EPB41L2: variants seen among roughly 807,000 people sequenced by gnomAD.
EPB41L2 encodes erythrocyte membrane protein band 4.1 like 2, also known as band 4.1-like protein 2.
EPB41L2 carries 43 observed loss-of-function variants against 113.0 expected under a neutral mutation model. The observed-to-expected ratio is 0.38, with a 90% CI of 0.30 to 0.49. The LOEUF (loss-of-function observed/expected upper bound fraction) is 0.49. EPB41L2 is among the 20% of genes least tolerant of loss of function. The pLI is 0.95. For synonymous variants in EPB41L2, 442 were observed against 436.7 expected, an observed-to-expected ratio of 1.01 and a Z score of -0.15; for missense variants, 1,147 against 1,223.4, an observed-to-expected ratio of 0.94 and a Z score of 0.93.
intron 19 of EPB41L2, among the ~76,000 whole-genome samples, chr6:130,857,549 CTTTTTTTTTTT>C (rs10557309): frequency 1.4e-5 from 1 of 72,818 alleles, no homozygotes; most frequent in Non-Finnish European, 2.4e-5. Flanking sequence ...TCAGATGTAT[CTTTTTTTTTTT>C]TTTTTTTTTT....
chr6:131,016,599 C>G (rs528632776), intron 1 of EPB41L2, among the ~76,000 whole-genome samples: 1 of 151,348 alleles, frequency 6.6e-6, no homozygotes, highest in Non-Finnish European at 1.5e-5. Flanking sequence ...AACATAATAA[C>G]AGAGAGAAAC....
intron 11 of EPB41L2, 41 bp downstream of exon 11, chr6:130,890,253 G>A (rs1344613291): frequency 6.3e-7 from 1 of 1,581,494 alleles, no homozygotes; most frequent in Admixed American, 1.7e-5. Flanking sequence ...TGGGATTAGA[G>A]AAAGATGAAT....
At position 130,890,425 on chromosome 6, in the gene EPB41L2, G is replaced by T. The variant is rs1287665200; in HGVS notation, c.1529C>A (p.Thr510Asn). 1 of 1,612,670 alleles carries T rather than the reference G, an allele frequency of 6.2e-7. No individual in the cohort carries two copies. The highest frequency in any genetic ancestry group is 1.7e-5 in the Admixed American group (1 of 59,872). ...PEQPPKAKFL[T>N]LGSKFRYSGR... ...ACTATAGCGAAATTTGGACCCCAAG[G>T]TCAGGAACTTGGCTTTTGGTGGCTG... is the stretch of plus-strand genomic sequence containing the variant. Residue 510 changes from threonine to asparagine, a missense_variant, in exon 11 of 20, where the codon ACC becomes AAC. Physicochemically the swap from Thr to Asn is moderately conservative, Grantham distance 65. Transcript: ENST00000337057.
intron 1 of EPB41L2, among the ~76,000 whole-genome samples, chr6:131,031,948 G>T (rs563923585): frequency 6.6e-6 from 1 of 152,154 alleles, no homozygotes; most frequent in Non-Finnish European, 1.5e-5. Context: ...AGTGAAGAGG[G>T]TATAAAAGGG....
intron 4 of EPB41L2, among the ~76,000 whole-genome samples, chr6:130,916,651 G>A (rs1562480468): frequency 1.3e-5 from 2 of 152,148 alleles, no homozygotes. Flanking sequence ...TCAAACTCCT[G>A]TAATGCTCTC....
chr6:130,936,719 A>G (rs943730510), intron 3 of EPB41L2, among the ~76,000 whole-genome samples: 2 of 152,236 alleles, frequency 1.3e-5, no homozygotes, highest in African/African-American at 4.8e-5. Flanking sequence ...TAACAATTAG[A>G]GTTAATATTT....
chr6:130,965,082 T>G (rs1478718357), intron 1 of EPB41L2, among the ~76,000 whole-genome samples: 3 of 152,176 alleles, frequency 2.0e-5, no homozygotes, highest in Admixed American at 2.0e-4. Context: ...GGACCACCCC[T>G]CATGAATTTT....
intron 1 of EPB41L2, among the ~76,000 whole-genome samples, chr6:130,999,364 A>G (rs1783838837): frequency 1.3e-5 from 2 of 152,270 alleles, no homozygotes; most frequent in Admixed American, 6.5e-5. Context: ...AACAATAAGA[A>G]AAATCCAGCA....
chr6:131,020,370 A>G (rs1283245822), intron 1 of EPB41L2, among the ~76,000 whole-genome samples: 1 of 152,066 alleles, frequency 6.6e-6, no homozygotes, highest in Admixed American at 6.6e-5. Flanking sequence ...TATGTCTGTA[A>G]TTTAAAGCTA....
At position 130,955,144 on chromosome 6, in the gene EPB41L2, C is replaced by T. The variant is rs147788951; in HGVS notation, c.666G>A (p.Val222=). Residue 222 remains valine (V), a synonymous_variant, in exon 3 of 20, where the codon GTG becomes GTA. Transcript: ENST00000337057. ...TKKTKTVQCK[V]TLLDGTEYSC... ...TGTATTCGGTGCCATCTAAGAGGGT[C>T]ACTTTACACTGGACAGTTTTGGTCT... 4 of 1,614,028 alleles carry T rather than the reference C, an allele frequency of 2.5e-6. No homozygotes were observed. The African/African-American group carries it at 5.3e-5, about 22-fold the overall frequency.
chr6:130,943,131 C>A (rs1811487061), intron 3 of EPB41L2, among the ~76,000 whole-genome samples: 1 of 152,140 alleles, frequency 6.6e-6, no homozygotes, highest in Non-Finnish European at 1.5e-5. Context: ...ATTGCTGGGT[C>A]AAATGGTATT....
intron 1 of EPB41L2, among the ~76,000 whole-genome samples, chr6:131,009,611 C>G (rs1786432974): frequency 6.6e-6 from 1 of 151,584 alleles, no homozygotes; most frequent in Non-Finnish European, 1.5e-5. Context: ...ATAATCCAAC[C>G]ACAGCTATCC....
intron 19 of EPB41L2, among the ~76,000 whole-genome samples, chr6:130,844,431 G>C (rs1420468840): frequency 6.6e-6 from 1 of 152,048 alleles, no homozygotes; most frequent in Non-Finnish European, 1.5e-5. Flanking sequence ...AATTAGCTGG[G>C]CATGGTGGTG....
chr6:130,942,051 A>G (rs1811062533), intron 3 of EPB41L2, among the ~76,000 whole-genome samples: 1 of 152,188 alleles, frequency 6.6e-6, no homozygotes, highest in African/African-American at 2.4e-5. Flanking sequence ...TAATCCACGG[A>G]TTTTTACAGA....
At chr6:130,949,715 C>T (rs981136774) in intron 3 of EPB41L2, among the ~76,000 whole-genome samples, 1 of 152,044 alleles carries the variant, frequency 6.6e-6, no homozygotes, top group Non-Finnish European at 1.5e-5. Context: ...TTGAACAACA[C>T]AGGTCTGAAC....
chr6:131,002,127 C>A (rs953103694), intron 1 of EPB41L2, among the ~76,000 whole-genome samples: 3 of 152,132 alleles, frequency 2.0e-5, no homozygotes, highest in Non-Finnish European at 4.4e-5. Flanking sequence ...ACTTTAACTA[C>A]CTGTTGATTC....
intron 1 of EPB41L2, among the ~76,000 whole-genome samples, chr6:130,983,393 T>C (rs1160756700): frequency 2.6e-5 from 4 of 152,192 alleles, no homozygotes; most frequent in African/African-American, 9.7e-5. Context: ...TGTGCCAGCA[T>C]CACAGAGTGT....
intron 1 of EPB41L2, among the ~76,000 whole-genome samples, chr6:131,006,532 T>C (rs1042564764): frequency 2.0e-5 from 3 of 151,132 alleles, no homozygotes; most frequent in African/African-American, 7.3e-5. Flanking sequence ...TAGCCAAGTG[T>C]GGTGGTGCGC....
chr6:130,890,068 CA>C (rs1189539533), intron 11 of EPB41L2, among the ~76,000 whole-genome samples: 1 of 147,336 alleles, frequency 6.8e-6, no homozygotes, highest in Non-Finnish European at 1.5e-5. Flanking sequence ...TGTTTTAAAA[CA>C]AAAAAAAAGA....
Sources: allele counts gnomAD v4.1 joint callset (sites outside exome capture counted in the v4.1 genomes callset), GRCh38; gene constraint gnomAD v4.1.1; transcripts MANE v1.5; gene names NCBI Gene and HGNC (gene_info 2026-07-23, HGNC 2026-07-21).